NRG1: variants seen among roughly 807,000 people sequenced by gnomAD.
The protein encoded by NRG1 is pro-neuregulin-1, membrane-bound isoform.
Under a neutral mutation model 63.8 loss-of-function variants are expected in NRG1, and 18 were observed. The observed-to-expected ratio is 0.28, with a 90% CI of 0.19 to 0.42. The LOEUF is 0.42. Ranked by LOEUF, NRG1 falls within the 10% of genes least tolerant of loss-of-function variation. NRG1 has a pLI of 1.00. For synonymous variants in NRG1, 302 were observed against 301.3 expected, an observed-to-expected ratio of 1.00 and a Z score of -0.02; for missense variants, 762 against 814.7, an observed-to-expected ratio of 0.94 and a Z score of 0.79.
At chr8:32,653,394 C>A (rs1414699619) in intron 5 of NRG1, among the ~76,000 whole-genome samples, 1 of 152,172 alleles carries the variant, frequency 6.6e-6, no homozygotes, top group Non-Finnish European at 1.5e-5. Flanking sequence ...GACTTCCACT[C>A]CTGTCTTTTC....
intron 1 of NRG1, among the ~76,000 whole-genome samples, chr8:32,143,880 T>C (rs1187668695): frequency 6.6e-6 from 1 of 152,240 alleles, no homozygotes; most frequent in African/African-American, 2.4e-5. Flanking sequence ...AATTGCTGCA[T>C]TGGCTCATCA....
intron 1 of NRG1, among the ~76,000 whole-genome samples, chr8:32,592,098 G>C (rs985689490): frequency 1.4e-5 from 2 of 141,744 alleles, no homozygotes; most frequent in Non-Finnish European, 3.0e-5. Context: ...ACAGACCAAG[G>C]CTCCCGGTTT....
At chr8:32,527,775 A>G (rs1297090803) in intron 1 of NRG1, among the ~76,000 whole-genome samples, 1 of 152,200 alleles carries the variant, frequency 6.6e-6, no homozygotes, top group Non-Finnish European at 1.5e-5. Context: ...GCCCATTTCA[A>G]TAAATGTCAC....
rs187493533 is a variant in NRG1 at position 32,688,222 on chromosome 8, G to A, written c.503-39727G>A. Among the ~76,000 whole-genome samples the A allele has an allele frequency of 2.4e-4, 36 of 152,272 alleles. 1 individual carries two copies. The highest frequency in any genetic ancestry group is 7.7e-4 in the African/African-American group (32 of 41,564). On this transcript the variant is annotated intron_variant, in intron 5 of 11. Coordinates refer to ENST00000356819, the Ensembl canonical transcript of NRG1. Reference sequence around the variant, plus strand: ...AAGAATAAGTGACTAACATACGTACGAAACATGCAGCTCTTAGATCCATGT... The same window carrying A: ...AAGAATAAGTGACTAACATACGTACAAAACATGCAGCTCTTAGATCCATGT...
At chr8:32,627,700 G>A (rs904809584) in intron 5 of NRG1, among the ~76,000 whole-genome samples, 31 of 152,100 alleles carry the variant, frequency 2.0e-4, no homozygotes, top group Non-Finnish European at 4.1e-4. Flanking sequence ...CCAAAGAAGA[G>A]AGAAGTGGTA....
Position 31,770,464 on chromosome 8 carries a change from C to A in NRG1, c.37+131033C>A, listed in dbSNP as rs181565342. ...ACTTGTTTTGTGGCTGCATAGTATTCCATGGTGTAGGATGAAGCTGGAAAC... is the reference window on the plus strand; with the variant it reads ...ACTTGTTTTGTGGCTGCATAGTATTACATGGTGTAGGATGAAGCTGGAAAC... On this transcript the variant is annotated intron_variant, in intron 1 of 10. Transcript: ENST00000519301. Among the ~76,000 whole-genome samples the A allele has an allele frequency of 1.4e-4, 21 of 151,988 alleles. No homozygotes were observed. In the East Asian group the frequency reaches 3.9e-3, roughly 28 times the overall value.
At chr8:31,745,370 G>A (rs1014680410) in intron 1 of NRG1, among the ~76,000 whole-genome samples, 5 of 151,870 alleles carry the variant, frequency 3.3e-5, no homozygotes, top group African/African-American at 9.7e-5. Flanking sequence ...TATAGGAGTC[G>A]TGGCGGCCAC....
Position 32,337,682 on chromosome 8 carries a change from A to AAAAAAAAAAAAAAAAAAAAAAAAT in NRG1, c.38-258146_38-258145insAAAAAAAAAAAAAAAAAAAAAAAT, listed in dbSNP as rs1554511693. Among the ~76,000 whole-genome samples, 6 of 116,632 alleles carry AAAAAAAAAAAAAAAAAAAAAAAAT rather than the reference A, an allele frequency of 5.1e-5. 1 individual carries two copies. Among genetic ancestry groups the AAAAAAAAAAAAAAAAAAAAAAAAT allele is most frequent in the Non-Finnish European group, 7.6e-5 (4 of 52,596 alleles). The allele number at this position is 116,632 out of a possible 152,430, so 76.5% of individuals were successfully genotyped here. A position where few individuals can be genotyped will look rare whatever the true frequency, so the allele number is the denominator to read the frequency against. Reference sequence around the variant, plus strand: ...AAAAAAAAAAAAAAAAAAAAAAAAAAGCTGATGCAGTTAGGAAAGGGAAGC... The same window carrying AAAAAAAAAAAAAAAAAAAAAAAAT: ...AAAAAAAAAAAAAAAAAAAAAAAAAAAAAAAAAAAAAAAAAAAAAAAAATGCTGATGCAGTTAGGAAAGGGAAGC... On this transcript the variant is annotated intron_variant, in intron 1 of 10. Coordinates refer to the NRG1 transcript ENST00000519301.
intron 1 of NRG1, among the ~76,000 whole-genome samples, chr8:32,524,465 C>T (rs1830619027): frequency 6.6e-6 from 1 of 151,680 alleles, no homozygotes; most frequent in Non-Finnish European, 1.5e-5. Flanking sequence ...GTATTTTCCT[C>T]TTAGCTGACT....
intron 1 of NRG1, among the ~76,000 whole-genome samples, chr8:31,849,770 G>A (rs74871293): frequency 0.017 from 2,573 of 152,240 alleles, 74 homozygotes; most frequent in African/African-American, 0.058. Flanking sequence ...TCTTTGTTTA[G>A]TAGCAGTTTG....
chr8:32,661,655 T>G (rs1178734625), intron 5 of NRG1, among the ~76,000 whole-genome samples: 1 of 152,034 alleles, frequency 6.6e-6, no homozygotes, highest in Non-Finnish European at 1.5e-5. Context: ...CCATGCTGCT[T>G]CTTATAAATT....
chr8:31,788,671 A>G lies in NRG1; in HGVS notation c.37+149240A>G, dbSNP rs576363761. On this transcript the variant is annotated intron_variant, in intron 1 of 10. Coordinates refer to the NRG1 transcript ENST00000519301. ...GTTGTTGTTGAGCAATAAACAGTAT[A>G]TACCTCTTGAATTTGCTAAGGAATG... 3.7e-4 allele frequency among the ~76,000 whole-genome samples: 57 copies of G among 152,322 alleles called. 1 individual carries two copies. Among genetic ancestry groups the G allele is most frequent in the African/African-American group, 1.2e-3 (49 of 41,578 alleles).
chr8:32,278,911 T>C (rs1184147193), intron 1 of NRG1, among the ~76,000 whole-genome samples: 4 of 152,222 alleles, frequency 2.6e-5, no homozygotes, highest in Non-Finnish European at 5.9e-5. Flanking sequence ...CTCTGCTCTG[T>C]TATGAACTCC....
intron 1 of NRG1, among the ~76,000 whole-genome samples, chr8:31,742,316 A>G (rs1815359028): frequency 6.6e-6 from 1 of 151,898 alleles, no homozygotes; most frequent in African/African-American, 2.4e-5. Flanking sequence ...TCTCAGTCTG[A>G]TAGTAGAAAG....
At chr8:32,732,419 AT>A (rs1381445239) in intron 6 of NRG1, among the ~76,000 whole-genome samples, 2 of 151,820 alleles carry the variant, frequency 1.3e-5, no homozygotes, top group African/African-American at 2.4e-5. Context: ...TGTTGATGTG[AT>A]TTTTTTTAAT....
chr8:31,805,987 A>G (rs1412885582), intron 1 of NRG1, among the ~76,000 whole-genome samples: 3 of 152,212 alleles, frequency 2.0e-5, no homozygotes, highest in African/African-American at 7.2e-5. Flanking sequence ...CCTAATGCCC[A>G]TCAATCATTG....
At chr8:31,948,895 G>C (rs1803035738) in intron 1 of NRG1, among the ~76,000 whole-genome samples, 1 of 152,054 alleles carries the variant, frequency 6.6e-6, no homozygotes, top group Non-Finnish European at 1.5e-5. Context: ...GGCCTCTCCT[G>C]GTTAATTCAG....
intron 1 of NRG1, among the ~76,000 whole-genome samples, chr8:32,531,420 T>G (rs1226877145): frequency 6.6e-6 from 1 of 152,066 alleles, no homozygotes; most frequent in East Asian, 1.9e-4. Context: ...TCCCTAAAAA[T>G]TAATTAAATA....
chr8:32,093,117 A>G (rs145883997), intron 1 of NRG1, among the ~76,000 whole-genome samples: 434 of 152,320 alleles, frequency 2.8e-3, no homozygotes, highest in African/African-American at 9.8e-3. Context: ...GAGAGACTCC[A>G]TTTTGTTTTG....
Sources: gnomAD v4.1 joint callset for allele counts (sites outside exome capture counted in the v4.1 genomes callset) on GRCh38, gnomAD v4.1.1 for gene constraint, MANE v1.5 for transcripts, NCBI Gene and HGNC (gene_info 2026-07-23, HGNC 2026-07-21) for gene names.